Variants in ENTPD7 observed in about 807,000 individuals in gnomAD.
ENTPD7 encodes NTPDase 7.
A neutral mutation model predicts 77.9 loss-of-function variants in ENTPD7; 53 were observed. The observed-to-expected ratio is 0.68, with a 90% confidence interval of 0.55 to 0.85. ENTPD7 has a LOEUF of 0.85. Among genes scored for constraint, ENTPD7 ranks in the 40% least tolerant of loss-of-function variants. ENTPD7 has a pLI of 0.00. For missense variants in ENTPD7, 636 were observed against 743.7 expected (o/e 0.86, Z 1.68); for synonymous variants, 248 against 274.9 (o/e 0.90, Z 0.97).
At chr10:99,692,460 A>T (rs72832517) in intron 8 of ENTPD7, among the ~76,000 whole-genome samples, 1 of 152,142 alleles carries the variant, frequency 6.6e-6, no homozygotes, top group Non-Finnish European at 1.5e-5. Flanking sequence ...CTTAGCTTGC[A>T]AAGTTGAATG....
At chr10:99,703,783 G>A (rs765934459) in intron 12 of ENTPD7, among the ~76,000 whole-genome samples, 7 of 152,038 alleles carry the variant, frequency 4.6e-5, no homozygotes, top group East Asian at 1.9e-4. Flanking sequence ...TGGCAGTGCC[G>A]TGTTCATAGC....
rs752039062 is a variant in ENTPD7, at chr10:99,698,780, T to G, written c.1257T>G (p.Ser419=). The change falls in exon 10 of 13, where the codon TCT becomes TCG. Residue 419 remains serine (S), a synonymous_variant. Coordinates refer to ENST00000370489, the MANE Select transcript of ENTPD7 (RefSeq NM_020354.5). The part of the protein sequence containing the change: ...DFNNSEFYGF[S]EFFYCTEDVL... Reference sequence around the variant, plus strand: ...ACAACAGCGAGTTCTACGGCTTCTCTGAGTTTTTTTATTGTACAGAGGATG... The same window carrying G: ...ACAACAGCGAGTTCTACGGCTTCTCGGAGTTTTTTTATTGTACAGAGGATG... 7 of 1,614,220 alleles carry G rather than the reference T, an allele frequency of 4.3e-6. No homozygotes were observed. Among genetic ancestry groups the G allele is most frequent in the Non-Finnish European group, 5.9e-6 (7 of 1,180,044 alleles).
intron 12 of ENTPD7, among the ~76,000 whole-genome samples, chr10:99,703,121 CTT>C (rs1301968165): frequency 6.6e-6 from 1 of 152,152 alleles, no homozygotes; most frequent in South Asian, 2.1e-4. Flanking sequence ...ACTTAGAAGG[CTT>C]TTTGGTGGGT....
intron 6 of ENTPD7, among the ~76,000 whole-genome samples, chr10:99,686,850 CT>C (rs1163756963): frequency 6.6e-4 from 93 of 139,994 alleles, no homozygotes; most frequent in Admixed American, 7.8e-4. Context: ...TCAAAGAGAA[CT>C]TTTTTTTTTT....
In ENTPD7 at chr10:99,704,633, C is replaced by G. The variant is rs1229116834; in HGVS notation, c.1765C>G (p.Leu589Val). The G allele has an allele frequency of 2.5e-6, 4 of 1,614,102 alleles. No individual in the cohort carries two copies. The highest frequency in any genetic ancestry group is 1.7e-5 in the Admixed American group (1 of 60,016). ...ACGAGCCTCAGCTCCATTGGACTTG[C>G]TGTGGCTTGAAGAGGTGGTGCCCAT... ...QTRASAPLDL[L>V]WLEEVVPMMG... is the part of the protein sequence containing the mutation. Residue 589 changes from leucine to valine, a missense_variant, in exon 13 of 13, where the codon CTG becomes GTG. Leu to Val is a conservative substitution (Grantham distance 32). This residue lies in a region of ENTPD7 where 138 missense variants were observed against 150.9 expected (regional missense o/e 0.91). Coordinates refer to ENST00000370489, the MANE Select transcript of ENTPD7 (RefSeq NM_020354.5).
intron 5 of ENTPD7, among the ~76,000 whole-genome samples, chr10:99,681,256 A>G (rs1483194796): frequency 6.7e-6 from 1 of 148,712 alleles, no homozygotes; most frequent in Non-Finnish European, 1.5e-5. Context: ...GCTGGATCAT[A>G]TGACAGTTTG....
Position 99,709,624 on chromosome 10 carries a change from CTCATAACCTGGATCTAAGT to C in ENTPD7, c.*4943_*4961del. On this transcript the variant is annotated 3_prime_UTR_variant, in exon 13 of 13. Coordinates refer to ENST00000370489, the MANE Select transcript of ENTPD7 (RefSeq NM_020354.5). ...TTAGGTTGTGTTCTTGGCTCATTCT[CTCATAACCTGGATCTAAGT>C]TGGAAAGCTGTGGCACCCTGTTTGG... 1 of 985,406 alleles carries C rather than the reference CTCATAACCTGGATCTAAGT, an allele frequency of 1.0e-6. No individual in the cohort carries two copies. 61.0% of individuals were successfully genotyped at this position (985,406 alleles called of 1,614,324 possible).
At chr10:99,699,033 T>C (rs1336169925) in intron 10 of ENTPD7, among the ~76,000 whole-genome samples, 175 bp downstream of exon 10, 2 of 152,222 alleles carry the variant, frequency 1.3e-5, no homozygotes, top group Non-Finnish European at 2.9e-5. Flanking sequence ...CTTAAGGATC[T>C]AGCTATGCTG....
chr10:99,692,530 C>CTTT (rs3047437), intron 8 of ENTPD7, among the ~76,000 whole-genome samples: 4,069 of 145,908 alleles, frequency 0.028, 183 homozygotes, highest in African/African-American at 0.09. Flanking sequence ...TGAGAGTAGG[C>CTTT]TTTTTTTTTT....
At chr10:99,666,315 C>G (rs2035550199) in intron 3 of ENTPD7, among the ~76,000 whole-genome samples, 1 of 152,040 alleles carries the variant, frequency 6.6e-6, no homozygotes, top group Admixed American at 6.6e-5. Context: ...TCAAGCAATT[C>G]TCCTGCCTCA....
Position 99,679,399 on chromosome 10 carries a change from T to C in ENTPD7, c.330T>C (p.His110=). 6.2e-7 allele frequency: 1 copy of C among 1,614,126 alleles called. No individual in the cohort carries two copies. The highest frequency in any genetic ancestry group is 8.5e-7 in the Non-Finnish European group (1 of 1,180,024). The change falls in exon 4 of 13, where the codon CAT becomes CAC. Residue 110 remains histidine (H), a synonymous_variant. Transcript: ENST00000370489. The part of the protein sequence containing the change: ...YFWPRHNGNP[H]DLLDIKQMRD... The stretch of plus-strand genomic sequence containing the variant: ...GGCCAAGACATAATGGGAACCCCCA[T>C]GACTTGCTGGACATCAAACAGATGA...
At chr10:99,666,752 AAC>A (rs1442915337) in intron 3 of ENTPD7, among the ~76,000 whole-genome samples, 3 of 152,208 alleles carry the variant, frequency 2.0e-5, no homozygotes, top group Non-Finnish European at 4.4e-5. Flanking sequence ...TGTTGTGCAA[AAC>A]CACCTAACAG....
At position 99,688,737 on chromosome 10, in the gene ENTPD7, C is replaced by T. The variant is rs1306013000; in HGVS notation, c.696C>T (p.Phe232=). Residue 232 remains phenylalanine (F), a synonymous_variant, in exon 7 of 13, where the codon TTC becomes TTT. Transcript: ENST00000370489. ...GAATCAACTTTGTTTTGGGAAGATT[C>T]GACCACGAGGATGGTGAGTAATATT... ...WIGINFVLGR[F]DHEDESDAEA... is the part of the protein sequence containing the mutation. The T allele has an allele frequency of 4.3e-6, 7 of 1,613,838 alleles. No individual in the cohort carries two copies. Among genetic ancestry groups the T allele is most frequent in the Admixed American group, 3.3e-5 (2 of 60,010 alleles).
intron 5 of ENTPD7, among the ~76,000 whole-genome samples, chr10:99,684,544 T>A (rs2035789579): frequency 6.6e-6 from 1 of 152,230 alleles, no homozygotes; most frequent in African/African-American, 2.4e-5. Flanking sequence ...GAACTTTTTT[T>A]AAGAAACTAT....
At chr10:99,673,024 T>G (rs1015136650) in intron 3 of ENTPD7, among the ~76,000 whole-genome samples, 17 of 152,138 alleles carry the variant, frequency 1.1e-4, no homozygotes, top group African/African-American at 2.9e-4. Flanking sequence ...CCACCCTGGG[T>G]GATATATTTG....
chr10:99,681,577 C>T (rs1049287190), intron 5 of ENTPD7, among the ~76,000 whole-genome samples: 3 of 152,112 alleles, frequency 2.0e-5, no homozygotes, highest in South Asian at 2.1e-4. Context: ...CCACCGTACC[C>T]GGCCTATATT....
Position 99,688,710 on chromosome 10 carries a change from T to A in ENTPD7, c.669T>A (p.Ile223=). 6 of 1,613,988 alleles carry A rather than the reference T, an allele frequency of 3.7e-6. No homozygotes were observed. The highest frequency in any genetic ancestry group is 5.1e-6 in the Non-Finnish European group (6 of 1,179,908). ...CTTACTTAGGGGTTTATGCATGGAT[T>A]GGAATCAACTTTGTTTTGGGAAGAT... ...SGKQEGVYAW[I]GINFVLGRFD... The change falls in exon 7 of 13, where the codon ATT becomes ATA. Residue 223 remains isoleucine (I), a synonymous_variant. Transcript: ENST00000370489.
intron 3 of ENTPD7, among the ~76,000 whole-genome samples, chr10:99,675,519 G>C (rs1247500575): frequency 1.7e-5 from 2 of 120,838 alleles, no homozygotes; most frequent in Admixed American, 2.1e-4. Flanking sequence ...TTTTTAGATA[G>C]GGTTTTAGAT....
chr10:99,690,346 G>A (rs993448512), intron 7 of ENTPD7, among the ~76,000 whole-genome samples: 5 of 152,166 alleles, frequency 3.3e-5, no homozygotes, highest in Admixed American at 3.3e-4. Flanking sequence ...AGTGAACACA[G>A]CTAGGAAATA....
Sources: allele counts gnomAD v4.1 joint callset (sites outside exome capture counted in the v4.1 genomes callset), GRCh38; gene constraint gnomAD v4.1.1; regional missense constraint gnomAD v4.1.1; transcripts MANE v1.5; gene names NCBI Gene and HGNC (gene_info 2026-07-23, HGNC 2026-07-21).